Variants in KCNG3 observed in about 807,000 individuals in gnomAD.
KCNG3 encodes potassium voltage-gated channel modifier subfamily G member 3, also known as voltage-gated potassium channel regulatory subunit KCNG3.
In KCNG3, 15 loss-of-function variants were observed where a neutral mutation model predicts 29.0. That is an observed-to-expected ratio of 0.52 (90% CI 0.35 to 0.80). The LOEUF (loss-of-function observed/expected upper bound fraction) is 0.80, where lower values mean the gene tolerates loss of function less well. KCNG3 is among the 30% of genes least tolerant of loss of function. KCNG3 has a pLI of 0.01. For missense variants in KCNG3, 512 were observed against 605.7 expected, an observed-to-expected ratio of 0.85 and a Z score of 1.62; for synonymous variants, 322 against 248.9, an observed-to-expected ratio of 1.29 and a Z score of -2.76.
chr2:42,414,106 GTTA>G, the KCNG3 span, among the ~76,000 whole-genome samples: 4 of 152,108 alleles, frequency 2.6e-5, no homozygotes, highest in Non-Finnish European at 5.9e-5. Flanking sequence ...TGTTGTTGTT[GTTA>G]TTATAATTAT....
chr2:42,468,349 T>C (rs1332247469), intron 1 of KCNG3, among the ~76,000 whole-genome samples: 3 of 152,084 alleles, frequency 2.0e-5, no homozygotes, highest in African/African-American at 7.2e-5. Context: ...TCCAATAAAC[T>C]CATCATAAAA....
At chr2:42,401,036 AAC>A in the KCNG3 span, among the ~76,000 whole-genome samples, 5 of 147,654 alleles carry the variant, frequency 3.4e-5, no homozygotes, top group Non-Finnish European at 6.0e-5. Context: ...TCATTTTAAA[AAC>A]ACATGTGTGT....
chr2:42,434,254 C>T, the KCNG3 span, among the ~76,000 whole-genome samples: 2 of 151,912 alleles, frequency 1.3e-5, no homozygotes, highest in South Asian at 4.2e-4. Flanking sequence ...GAGTTCAAAA[C>T]CAGCCCGAGC....
the KCNG3 span, among the ~76,000 whole-genome samples, chr2:42,428,405 G>A: frequency 6.8e-6 from 1 of 147,538 alleles, no homozygotes; most frequent in African/African-American, 2.5e-5. Flanking sequence ...AGGTTGCGGT[G>A]AGCCAAGATT....
At chr2:42,456,809 G>GT (rs1461121196) in intron 1 of KCNG3, among the ~76,000 whole-genome samples, 9 of 152,222 alleles carry the variant, frequency 5.9e-5, no homozygotes, top group African/African-American at 2.2e-4. Flanking sequence ...CATGTACAAT[G>GT]TAACAACACA....
chr2:42,437,922 G>C (rs1672402025), downstream of KCNG3, among the ~76,000 whole-genome samples: 1 of 110,864 alleles, frequency 9.0e-6, no homozygotes, highest in Non-Finnish European at 1.7e-5. Context: ...TGGGCAACAA[G>C]AGTGAAACTC....
intron 1 of KCNG3, among the ~76,000 whole-genome samples, chr2:42,454,093 CAAAAA>C (rs11322972): frequency 7.4e-6 from 1 of 134,936 alleles, no homozygotes; most frequent in Non-Finnish European, 1.6e-5. Context: ...GCTACTATAC[CAAAAA>C]AAAAAAAAAA....
At chr2:42,467,361 A>G (rs182730323) in intron 1 of KCNG3, among the ~76,000 whole-genome samples, 3 of 152,292 alleles carry the variant, frequency 2.0e-5, no homozygotes, top group African/African-American at 7.2e-5. Flanking sequence ...AGCAGTCACC[A>G]ACTCATTTTA....
At chr2:42,399,373 T>G in the KCNG3 span, among the ~76,000 whole-genome samples, 1 of 152,134 alleles carries the variant, frequency 6.6e-6, no homozygotes, top group Non-Finnish European at 1.5e-5. Context: ...CTTTTCTTTT[T>G]TATTTGTGGA....
At chr2:42,469,243 C>G (rs1202833071) in intron 1 of KCNG3, among the ~76,000 whole-genome samples, 1 of 151,686 alleles carries the variant, frequency 6.6e-6, no homozygotes, top group Non-Finnish European at 1.5e-5. Context: ...ATGGGGAAAC[C>G]CCATCTCTAC....
chr2:42,443,845 T>C lies in KCNG3; in HGVS notation c.*89A>G. ...CCTACCAAGATGATGACAATGCCAC[T>C]GCAGTGCTCACCCAGCAAGAAACAC... On this transcript the variant is annotated 3_prime_UTR_variant, in exon 2 of 2. Coordinates refer to ENST00000306078, the MANE Select transcript of KCNG3 (RefSeq NM_133329.6). 2 of 1,246,210 alleles carry C rather than the reference T, an allele frequency of 1.6e-6. No individual in the cohort carries two copies. The highest frequency in any genetic ancestry group is 1.1e-6 in the Non-Finnish European group (1 of 886,224). The allele number at this position is 1,246,210 out of a possible 1,614,324, so 77.2% of individuals were successfully genotyped here. A position where few individuals can be genotyped will look rare whatever the true frequency, so the allele number is the denominator to read the frequency against.
intron 1 of KCNG3, among the ~76,000 whole-genome samples, chr2:42,464,869 T>C (rs1469188091): frequency 6.6e-6 from 1 of 152,150 alleles, no homozygotes; most frequent in Non-Finnish European, 1.5e-5. Flanking sequence ...CAGCCGTCTG[T>C]CTCTCCAGCT....
chr2:42,444,015 A>G lies in KCNG3; in HGVS notation c.1230T>C (p.His410=). 7.4e-6 allele frequency: 12 copies of G among 1,614,202 alleles called. No homozygotes were observed. The highest frequency in any genetic ancestry group is 9.3e-6 in the Non-Finnish European group (11 of 1,180,006). The change falls in exon 2 of 2, where the codon CAT becomes CAC. Residue 410 remains histidine, a synonymous_variant. Transcript: ENST00000306078. This position sits in a 1 kb window ranked among gnomAD's most constrained non-coding sequence, Gnocchi z 5.8. The part of the protein sequence containing the change: ...LLALPITFIY[H]SFVQCYHELK... ...GCTCATGATAACACTGCACAAAGCT[A>G]TGGTAGATAAAAGTGATAGGTAATG...
the KCNG3 span, among the ~76,000 whole-genome samples, chr2:42,416,168 G>A: frequency 1.3e-5 from 2 of 152,092 alleles, no homozygotes; most frequent in Admixed American, 1.3e-4. Context: ...CTGAGATCAT[G>A]CCACTGCCCT....
At chr2:42,389,220 T>G in the KCNG3 span, among the ~76,000 whole-genome samples, 2 of 152,202 alleles carry the variant, frequency 1.3e-5, no homozygotes, top group East Asian at 1.9e-4. Flanking sequence ...GCCGGCCCCA[T>G]GTAGATTACT....
At chr2:42,441,813 C>CATATATATATTTAT (rs1672492962), downstream of KCNG3, among the ~76,000 whole-genome samples, 1 of 15,628 alleles carries the variant, frequency 6.4e-5, no homozygotes, top group Non-Finnish European at 1.9e-4. Flanking sequence ...TATATATATA[C>CATATATATATTTAT]CTATAGGTAT....
chr2:42,476,686 C>T (rs985520236), intron 1 of KCNG3, among the ~76,000 whole-genome samples: 4 of 147,532 alleles, frequency 2.7e-5, no homozygotes, highest in African/African-American at 9.9e-5. Flanking sequence ...GACGGGGTTT[C>T]ACCATGTTGG....
At chr2:42,391,961 C>G in the KCNG3 span, among the ~76,000 whole-genome samples, 9 of 152,172 alleles carry the variant, frequency 5.9e-5, no homozygotes, top group Non-Finnish European at 1.3e-4. Context: ...TTTTACGGTG[C>G]CAGGCACTCA....
the KCNG3 span, among the ~76,000 whole-genome samples, chr2:42,408,302 G>C: frequency 6.6e-6 from 1 of 152,168 alleles, no homozygotes; most frequent in Admixed American, 6.5e-5. Context: ...GCTAGGGGCT[G>C]GGCTGCCTGT....
Sources: gnomAD v4.1 joint callset for allele counts (sites outside exome capture counted in the v4.1 genomes callset) on GRCh38, gnomAD v4.1.1 for gene constraint, Gnocchi (gnomAD v3.1) non-coding constraint, MANE v1.5 for transcripts, NCBI Gene and HGNC (gene_info 2026-07-23, HGNC 2026-07-21) for gene names.